Variants in GPC5 observed in about 807,000 individuals in gnomAD.
The protein encoded by GPC5 is glypican 5, also known as glypican-5.
GPC5 carries 47 observed loss-of-function variants against 53.9 expected under a neutral mutation model. The observed-to-expected ratio is 0.87, with a 90% CI of 0.69 to 1.11. The LOEUF (loss-of-function observed/expected upper bound fraction) is 1.11, where lower values mean the gene tolerates loss of function less well. GPC5 is among the 50% of genes most tolerant of loss of function. The probability of loss-of-function intolerance (pLI) is 0.00; values close to 1 mark genes in which losing one functional copy is unlikely to be tolerated. For missense variants in GPC5, 748 were observed against 713.1 expected (o/e 1.05, Z -0.56); for synonymous variants, 286 against 263.3 (o/e 1.09, Z -0.84).
At chr13:91,499,065 T>C (rs1884475237) in intron 2 of GPC5, among the ~76,000 whole-genome samples, 1 of 151,956 alleles carries the variant, frequency 6.6e-6, no homozygotes, top group African/African-American at 2.4e-5. Flanking sequence ...TGAAAACAAA[T>C]GAGACTAGGA....
chr13:92,009,135 C>T (rs1230280146), intron 6 of GPC5, among the ~76,000 whole-genome samples: 3 of 151,878 alleles, frequency 2.0e-5, no homozygotes, highest in Admixed American at 2.0e-4. Context: ...TCTGGTTATG[C>T]GTCTACTGAA....
intron 7 of GPC5, among the ~76,000 whole-genome samples, chr13:92,264,300 T>G (rs2042785862): frequency 6.6e-6 from 1 of 152,168 alleles, no homozygotes; most frequent in Non-Finnish European, 1.5e-5. Context: ...AAAATTATTT[T>G]TTAAAGACTA....
intron 7 of GPC5, among the ~76,000 whole-genome samples, chr13:92,391,306 A>T (rs2139324022): frequency 6.6e-6 from 1 of 152,240 alleles, no homozygotes; most frequent in South Asian, 2.1e-4. Context: ...TTAGTTTTGA[A>T]TTTTTACCAG....
chr13:91,809,739 C>T lies in GPC5; in HGVS notation c.1280+53319C>T, dbSNP rs554057080. The stretch of plus-strand genomic sequence containing the variant: ...GAAATTTAGCACAGAATACATATGG[C>T]CCAAAGACATGTTGAAACATATACT... On this transcript the variant is annotated intron_variant, in intron 5 of 7. Transcript: ENST00000377067. Among the ~76,000 whole-genome samples, 31 of 151,850 alleles carry T rather than the reference C, an allele frequency of 2.0e-4. No individual in the cohort carries two copies. The South Asian group carries it at 5.8e-3, about 29-fold the overall frequency.
At chr13:91,616,905 G>T (rs1266329751) in intron 2 of GPC5, among the ~76,000 whole-genome samples, 1 of 152,024 alleles carries the variant, frequency 6.6e-6, no homozygotes, top group Non-Finnish European at 1.5e-5. Context: ...CACCTTGCCA[G>T]CCTTCACACT....
At chr13:92,168,229 A>G (rs1292638501) in intron 7 of GPC5, among the ~76,000 whole-genome samples, 1 of 152,210 alleles carries the variant, frequency 6.6e-6, no homozygotes, top group African/African-American at 2.4e-5. Flanking sequence ...CAAAACTATA[A>G]AAACCCTAGA....
chr13:91,856,717 T>A (rs1379321467), intron 5 of GPC5, among the ~76,000 whole-genome samples: 6 of 151,404 alleles, frequency 4.0e-5, no homozygotes, highest in Non-Finnish European at 8.9e-5. Flanking sequence ...GAATATCTTA[T>A]CCTAGTCTGC....
intron 5 of GPC5, among the ~76,000 whole-genome samples, chr13:91,801,236 C>T (rs1483442096): frequency 4.9e-5 from 7 of 144,174 alleles, no homozygotes; most frequent in Non-Finnish European, 1.1e-4. Context: ...GAACTAACTC[C>T]CTGTGACATC....
chr13:92,340,340 A>G (rs182524987), intron 7 of GPC5: 4 of 152,276 alleles, frequency 2.6e-5, no homozygotes, highest in African/African-American at 9.6e-5. Context: ...AAGCAAGTCA[A>G]TGCAATCAAA....
chr13:92,185,834 T>G (rs1482337432), intron 7 of GPC5, among the ~76,000 whole-genome samples: 1 of 152,166 alleles, frequency 6.6e-6, no homozygotes, highest in African/African-American at 2.4e-5. Context: ...ATTCAATAAC[T>G]ATTAGGTTCT....
chr13:91,568,069 G>T (rs1158815391), intron 2 of GPC5, among the ~76,000 whole-genome samples: 1 of 152,166 alleles, frequency 6.6e-6, no homozygotes, highest in Non-Finnish European at 1.5e-5. Flanking sequence ...GAAGGTGCCT[G>T]CTTCCTCTTC....
chr13:92,558,820 T>C (rs574554514), intron 7 of GPC5, among the ~76,000 whole-genome samples: 1 of 152,082 alleles, frequency 6.6e-6, no homozygotes, highest in Non-Finnish European at 1.5e-5. Context: ...AATATTGATA[T>C]CTTCTCACCA....
At chr13:91,450,923 G>C (rs1881133727) in intron 2 of GPC5, among the ~76,000 whole-genome samples, 1 of 152,124 alleles carries the variant, frequency 6.6e-6, no homozygotes, top group South Asian at 2.1e-4. Flanking sequence ...TTATTGAATT[G>C]AATAAGTAGC....
chr13:92,092,562 A>G (rs1439853318), intron 6 of GPC5, among the ~76,000 whole-genome samples: 3 of 152,178 alleles, frequency 2.0e-5, no homozygotes, highest in Non-Finnish European at 2.9e-5. Flanking sequence ...TTGGAATCTT[A>G]TATCATTCCC....
intron 7 of GPC5, among the ~76,000 whole-genome samples, chr13:92,815,147 A>C (rs768376466): frequency 4.6e-5 from 7 of 151,986 alleles, no homozygotes; most frequent in Non-Finnish European, 8.8e-5. Context: ...TAGATTGACA[A>C]TAAAGAAAGA....
intron 7 of GPC5, chr13:92,446,479 A>G (rs1056555983): frequency 7.9e-5 from 12 of 151,036 alleles, no homozygotes; most frequent in African/African-American, 2.9e-4. Context: ...TTTTATGGCT[A>G]GATAGTGCTC....
chr13:91,426,900 T>C (rs1213555317), intron 1 of GPC5, among the ~76,000 whole-genome samples: 3 of 152,158 alleles, frequency 2.0e-5, no homozygotes, highest in Non-Finnish European at 4.4e-5. Flanking sequence ...TGCCACTAAA[T>C]ATTAACCATC....
chr13:92,155,993 T>G (rs1274261577), intron 7 of GPC5, among the ~76,000 whole-genome samples: 3 of 152,184 alleles, frequency 2.0e-5, no homozygotes, highest in Admixed American at 6.5e-5. Flanking sequence ...TTGTTGCTTA[T>G]TTTATGTTAA....
intron 1 of GPC5, among the ~76,000 whole-genome samples, chr13:91,413,428 C>T (rs930019214): frequency 1.3e-5 from 2 of 151,616 alleles, no homozygotes; most frequent in Non-Finnish European, 2.9e-5. Flanking sequence ...TGCCATTAGT[C>T]GTAGATAGCA....
Sources: gnomAD v4.1 joint callset for allele counts (sites outside exome capture counted in the v4.1 genomes callset) on GRCh38, gnomAD v4.1.1 for gene constraint, MANE v1.5 for transcripts, NCBI Gene and HGNC (gene_info 2026-07-23, HGNC 2026-07-21) for gene names.